The following HMCN1 variants were observed in gnomAD, a reference collection of about 807,000 sequenced individuals.
HMCN1 encodes hemicentin-1.
A neutral mutation model predicts 625.9 loss-of-function variants in HMCN1; 321 were observed. The observed-to-expected ratio is 0.51, with a 90% CI of 0.47 to 0.56. HMCN1 has a LOEUF of 0.56. Among genes scored for constraint, HMCN1 ranks in the 20% least tolerant of loss-of-function variants. HMCN1 has a pLI of 0.00. For missense variants in HMCN1, 6,588 were observed against 6,887.3 expected (o/e 0.96, Z 1.54); for synonymous variants, 2,425 against 2,417.6 (o/e 1.00, Z -0.09).
chr1:185,827,050 T>C (rs1660562525), intron 1 of HMCN1, among the ~76,000 whole-genome samples: 1 of 151,588 alleles, frequency 6.6e-6, no homozygotes, highest in Non-Finnish European at 1.5e-5. Flanking sequence ...GTAGCGCCTG[T>C]AGTCCCAGCT....
At chr1:185,952,387 G>C (rs1174307255) in intron 11 of HMCN1, among the ~76,000 whole-genome samples, 3 of 151,566 alleles carry the variant, frequency 2.0e-5, no homozygotes, top group Non-Finnish European at 4.4e-5. Context: ...AGATGGGTCT[G>C]TAGAAAAGGA....
Position 186,007,274 on chromosome 1 carries a change from C to T in HMCN1, c.4622C>T (p.Thr1541Ile), listed in dbSNP as rs776696232. The change falls in exon 30 of 107, where the codon ACT becomes ATT. Residue 1541 changes from threonine (T) to isoleucine (I), a missense_variant. Thr to Ile is a moderately conservative substitution (Grantham distance 89). Transcript: ENST00000271588. The part of the protein sequence containing the change: ...AGKQAKDIKL[T>I]IYIPPSIKGG... ...AAACAAGCCAAGGATATAAAACTGA[C>T]TATCTATAGTAAGTGCGATTGTCTT... 3 of 1,613,356 alleles carry T rather than the reference C, an allele frequency of 1.9e-6. No homozygotes were observed. The African/African-American group carries it at 4.0e-5, about 22-fold the overall frequency.
chr1:185,737,683 A>T (rs906283741), intron 1 of HMCN1, among the ~76,000 whole-genome samples: 1 of 152,234 alleles, frequency 6.6e-6, no homozygotes, highest in African/African-American at 2.4e-5. Flanking sequence ...GAAATAATGT[A>T]TAGAATTTAA....
chr1:186,052,940 A>AT lies in HMCN1; in HGVS notation c.6578-5dup. The AT allele has an allele frequency of 1.9e-6, 3 of 1,594,372 alleles. 1 individual carries two copies. Among genetic ancestry groups the AT allele is most frequent in the African/African-American group, 2.7e-5 (2 of 74,500 alleles). On this transcript the variant is annotated splice_polypyrimidine_tract_variant and intron_variant, in intron 42 of 106. Transcript: ENST00000271588. ...AAATGAGTGGAAAAATCATATTTTTATTTTTTTCTAGTCCCCCCAAATATT... is the reference window on the plus strand; with the variant it reads ...AAATGAGTGGAAAAATCATATTTTTATTTTTTTTCTAGTCCCCCCAAATATT...
chr1:185,999,694 C>G (rs528341681), intron 25 of HMCN1, among the ~76,000 whole-genome samples: 1 of 151,952 alleles, frequency 6.6e-6, no homozygotes, highest in East Asian at 1.9e-4. Flanking sequence ...TTTATTTCAC[C>G]CTAAAACTCT....
chr1:185,906,041 T>G (rs1367437440), intron 4 of HMCN1, among the ~76,000 whole-genome samples: 1 of 151,808 alleles, frequency 6.6e-6, no homozygotes. Context: ...GGCTCTCACA[T>G]TATTCTAGTT....
chr1:186,119,925 A>C, intron 79 of HMCN1, 43 bp downstream of exon 79: 1 of 1,613,996 alleles, frequency 6.2e-7, no homozygotes, highest in Non-Finnish European at 8.5e-7. Flanking sequence ...ATAGCACATC[A>C]GTGTTTTATA....
intron 52 of HMCN1, 62 bp from the exon 53 acceptor site, chr1:186,074,679 C>T (rs568089548): frequency 7.0e-7 from 1 of 1,437,578 alleles, no homozygotes; most frequent in East Asian, 2.3e-5. Context: ...CTATCAACTG[C>T]ATGGCCTCTT....
intron 1 of HMCN1, among the ~76,000 whole-genome samples, chr1:185,813,474 A>C (rs1264803101): frequency 6.6e-6 from 1 of 152,152 alleles, no homozygotes; most frequent in Non-Finnish European, 1.5e-5. Context: ...TGTAAAATAT[A>C]CTGCTGTAGG....
chr1:185,859,050 T>C (rs534665259), intron 2 of HMCN1, among the ~76,000 whole-genome samples: 27 of 150,102 alleles, frequency 1.8e-4, no homozygotes, highest in African/African-American at 6.4e-4. Flanking sequence ...TGTGTGTGTG[T>C]GTGTGTGTGT....
intron 10 of HMCN1, among the ~76,000 whole-genome samples, chr1:185,931,489 G>T (rs1323737689): frequency 6.6e-6 from 1 of 152,146 alleles, no homozygotes; most frequent in Non-Finnish European, 1.5e-5. Flanking sequence ...GGTGTCGTAT[G>T]CCATTATTTC....
intron 72 of HMCN1, 63 bp downstream of exon 72, chr1:186,113,016 A>T: frequency 6.3e-7 from 1 of 1,585,378 alleles, no homozygotes; most frequent in Non-Finnish European, 8.6e-7. Context: ...CAAAGAGATG[A>T]TAGCTTTTTC....
chr1:186,131,639 A>G (rs1661937475), intron 85 of HMCN1, among the ~76,000 whole-genome samples: 1 of 152,064 alleles, frequency 6.6e-6, no homozygotes, highest in Admixed American at 6.6e-5. Flanking sequence ...CTACCTGCAA[A>G]TCAGTTCCCT....
intron 69 of HMCN1, among the ~76,000 whole-genome samples, chr1:186,104,191 C>T (rs1411278851): frequency 1.3e-5 from 2 of 152,158 alleles, no homozygotes; most frequent in Non-Finnish European, 2.9e-5. Context: ...CTTATTGTAG[C>T]AATCTTCTAT....
intron 97 of HMCN1, 67 bp from the exon 98 acceptor site, chr1:186,165,044 T>C: frequency 7.6e-7 from 1 of 1,311,774 alleles, no homozygotes; most frequent in Non-Finnish European, 1.1e-6. Context: ...GGGAAGATGG[T>C]ACTGGAAAGA....
Position 186,137,614 on chromosome 1 carries a change from C to A in HMCN1, c.13699C>A (p.Pro4567Thr), listed in dbSNP as rs1282028897. 1.2e-6 allele frequency: 2 copies of A among 1,614,016 alleles called. No individual in the cohort carries two copies. The highest frequency in any genetic ancestry group is 3.3e-5 in the Admixed American group (2 of 59,972). ...GCCCCTTCCAGCCAATGGTGGGAAG[C>A]CCTGCCAAGGTTCAGATTTGGAAAT... is the stretch of plus-strand genomic sequence containing the variant. ...NQPLPANGGK[P>T]CQGSDLEMRN... is the part of the protein sequence containing the mutation. Residue 4567 changes from proline to threonine, a missense_variant, in exon 88 of 107, where the codon CCC becomes ACC. Coordinates refer to ENST00000271588, the MANE Select transcript of HMCN1 (RefSeq NM_031935.3).
At chr1:186,063,522 T>G (rs1657913977) in intron 48 of HMCN1, among the ~76,000 whole-genome samples, 1 of 149,872 alleles carries the variant, frequency 6.7e-6, no homozygotes, top group Admixed American at 6.7e-5. Context: ...AGGGAGTCTT[T>G]TCCTTCAATT....
At chr1:186,052,446 C>G (rs1657018700) in intron 42 of HMCN1, among the ~76,000 whole-genome samples, 1 of 152,064 alleles carries the variant, frequency 6.6e-6, no homozygotes, top group Non-Finnish European at 1.5e-5. Context: ...AGTAGAGAAG[C>G]AGACTGTGCA....
intron 1 of HMCN1, among the ~76,000 whole-genome samples, chr1:185,744,112 C>T (rs1196124982): frequency 6.6e-6 from 1 of 150,952 alleles, no homozygotes; most frequent in Non-Finnish European, 1.5e-5. Flanking sequence ...CCTCAGCCTC[C>T]GGAGTAGCTG....
Sources: allele counts gnomAD v4.1 joint callset (sites outside exome capture counted in the v4.1 genomes callset), GRCh38; gene constraint gnomAD v4.1.1; transcripts MANE v1.5; gene names NCBI Gene and HGNC (gene_info 2026-07-23, HGNC 2026-07-21).